The following FGF18 variants were observed in gnomAD, a reference collection of about 807,000 sequenced individuals.
FGF18 encodes fibroblast growth factor 18.
FGF18 carries 5 observed loss-of-function variants against 23.0 expected under a neutral mutation model. That is an observed-to-expected ratio of 0.22 (90% CI 0.11 to 0.46). The LOEUF (loss-of-function observed/expected upper bound fraction) is 0.46. Ranked by LOEUF, FGF18 falls within the 20% of genes least tolerant of loss-of-function variation. The probability of loss-of-function intolerance (pLI) is 0.99; values close to 1 mark genes in which losing one functional copy is unlikely to be tolerated. For missense variants in FGF18, 180 were observed against 291.6 expected (o/e 0.62, Z 2.79); for synonymous variants, 117 against 118.9 (o/e 0.98, Z 0.10).
rs6878744 is a variant in FGF18 at position 171,431,772 on chromosome 5, C to A, written c.70-4321C>A. 2.4e-3 allele frequency among the ~76,000 whole-genome samples: 358 copies of A among 152,254 alleles called. 4 individuals carry two copies. Among genetic ancestry groups the A allele is most frequent in the African/African-American group, 8.0e-3 (334 of 41,540 alleles). On this transcript the variant is annotated intron_variant, in intron 2 of 4. Transcript: ENST00000274625. ...AACCCTTCTCTCCTTTCGAGAGTTGCAGCAGACTGGGCGCGGTGGCTCACA... is the reference window on the plus strand; with the variant it reads ...AACCCTTCTCTCCTTTCGAGAGTTGAAGCAGACTGGGCGCGGTGGCTCACA...
chr5:171,429,675 ACCCT>A (rs923072201), intron 2 of FGF18, among the ~76,000 whole-genome samples: 67 of 152,166 alleles, frequency 4.4e-4, no homozygotes, highest in Non-Finnish European at 1.9e-4. Flanking sequence ...GACCAGGGAG[ACCCT>A]CCCTTTCTGG....
At chr5:171,428,696 G>A (rs535832117) in intron 2 of FGF18, among the ~76,000 whole-genome samples, 1 of 152,188 alleles carries the variant, frequency 6.6e-6, no homozygotes, top group Admixed American at 6.5e-5. Context: ...ACCGTGGTGG[G>A]CTTTGAATGC....
chr5:171,427,915 TCA>T (rs903431781), intron 2 of FGF18, among the ~76,000 whole-genome samples: 1 of 152,086 alleles, frequency 6.6e-6, no homozygotes, highest in Admixed American at 6.5e-5. Context: ...CCAGCACGCT[TCA>T]GTTGGCCGTG....
chr5:171,431,957 G>C lies in FGF18; in HGVS notation c.70-4136G>C, dbSNP rs149623497. On this transcript the variant is annotated intron_variant, in intron 2 of 4. Coordinates refer to ENST00000274625, the MANE Select transcript of FGF18 (RefSeq NM_003862.3). ...CAGCTACTCGGGGAGGCTGAGGCAC[G>C]AGAATCACTTGAACCGGGGAGGCGG... Among the ~76,000 whole-genome samples the C allele has an allele frequency of 3.8e-3, 572 of 152,264 alleles. 1 individual carries two copies. The highest frequency in any genetic ancestry group is 0.013 in the African/African-American group (545 of 41,540).
At chr5:171,430,794 C>CAAAAAAAA (rs566577499) in intron 2 of FGF18, among the ~76,000 whole-genome samples, 59 of 53,588 alleles carry the variant, frequency 1.1e-3, no homozygotes, top group Non-Finnish European at 1.6e-3. Context: ...GACTCCGTCT[C>CAAAAAAAA]AAAAAAAAAA....
At position 171,420,176 on chromosome 5, in the gene FGF18, C is replaced by T; in HGVS notation, c.-24C>T. The stretch of plus-strand genomic sequence containing the variant: ...GGACATGTGCAGGCTGGGCTAGGAG[C>T]CGCCGCCTCCCTCCCGCCCAGCGAT... On this transcript the variant is annotated 5_prime_UTR_variant, in exon 1 of 5. Coordinates refer to ENST00000274625, the MANE Select transcript of FGF18 (RefSeq NM_003862.3). The T allele has an allele frequency of 6.5e-7, 1 of 1,536,284 alleles. No homozygotes were observed. The highest frequency in any genetic ancestry group is 8.7e-7 in the Non-Finnish European group (1 of 1,146,194).
chr5:171,452,766 C>T (rs1362008527), intron 4 of FGF18, among the ~76,000 whole-genome samples: 1 of 152,182 alleles, frequency 6.6e-6, no homozygotes, highest in African/African-American at 2.4e-5. Flanking sequence ...GGGGAGTGCT[C>T]TGCCCACCAG....
intron 2 of FGF18, among the ~76,000 whole-genome samples, chr5:171,433,701 C>T (rs1480650768): frequency 6.6e-6 from 1 of 152,202 alleles, no homozygotes; most frequent in Non-Finnish European, 1.5e-5. Context: ...CCTCACTGGG[C>T]TGTGTGGTTT....
chr5:171,428,061 T>C (rs1772123535), intron 2 of FGF18, among the ~76,000 whole-genome samples: 1 of 152,132 alleles, frequency 6.6e-6, no homozygotes, highest in African/African-American at 2.4e-5. Context: ...GCCTGGCTCA[T>C]GATAAGTGTT....
At chr5:171,421,485 G>A (rs1001067594) in intron 2 of FGF18, among the ~76,000 whole-genome samples, 1 of 152,212 alleles carries the variant, frequency 6.6e-6, no homozygotes, top group Admixed American at 6.5e-5. Context: ...GTGGCTTTCC[G>A]GGATTAGAGA....
intron 4 of FGF18, among the ~76,000 whole-genome samples, chr5:171,452,658 C>T (rs150188658): frequency 2.0e-3 from 297 of 152,196 alleles, no homozygotes; most frequent in African/African-American, 7.0e-3. Context: ...TCTCTGGAGA[C>T]GCAACCCAGA....
chr5:171,426,487 T>G (rs540457431), intron 2 of FGF18, among the ~76,000 whole-genome samples: 1 of 152,198 alleles, frequency 6.6e-6, no homozygotes, highest in Non-Finnish European at 1.5e-5. Flanking sequence ...GGCCTGAGCA[T>G]GGGGATTTAT....
rs1771988152 is a variant in FGF18, at chr5:171,420,519, CCCCCTCCCTGTGCCCCA to C, written c.69+84_69+100del. On this transcript the variant is annotated intron_variant, in intron 2 of 4. Transcript: ENST00000274625. ...CGCCGACCCCCCTTCCCCGGCCGCG[CCCCCTCCCTGTGCCCCA>C]CCCCTCCTGGGCGCTGAGCCCAGTG... 6.4e-6 allele frequency: 9 copies of C among 1,415,650 alleles called. 1 individual carries two copies. The African/African-American group carries it at 1.1e-4, about 18-fold the overall frequency. 87.7% of individuals were successfully genotyped at this position (1,415,650 alleles called of 1,614,324 possible).
chr5:171,436,158 C>T lies in FGF18; in HGVS notation c.135C>T (p.Asp45=), dbSNP rs367730602. Residue 45 remains aspartate, a synonymous_variant, in exon 3 of 5, where the codon GAC becomes GAT. Coordinates refer to ENST00000274625, the MANE Select transcript of FGF18 (RefSeq NM_003862.3). The surrounding 1 kb of genome is among the most constrained non-coding windows in gnomAD (Gnocchi z 4.4). ...TGGAGAACCAGACGCGGGCTCGGGACGATGTGAGCCGTAAGCAGCTGCGGC... is the reference window on the plus strand; with the variant it reads ...TGGAGAACCAGACGCGGGCTCGGGATGATGTGAGCCGTAAGCAGCTGCGGC... ...IHVENQTRAR[D]DVSRKQLRLY... is the part of the protein sequence containing the mutation. 14 of 1,602,968 alleles carry T rather than the reference C, an allele frequency of 8.7e-6. No individual in the cohort carries two copies. Among genetic ancestry groups the T allele is most frequent in the Non-Finnish European group, 1.2e-5 (14 of 1,173,580 alleles).
chr5:171,423,516 G>C (rs1033173301), intron 2 of FGF18, among the ~76,000 whole-genome samples: 2 of 152,152 alleles, frequency 1.3e-5, no homozygotes, highest in African/African-American at 4.8e-5. Context: ...GCGGGGTGGG[G>C]GGGCATCCCC....
chr5:171,438,534 A>G (rs1424416386), intron 3 of FGF18, among the ~76,000 whole-genome samples: 2 of 152,094 alleles, frequency 1.3e-5, no homozygotes, highest in African/African-American at 4.8e-5. Flanking sequence ...GCCAGTGGGC[A>G]GCACTTCCAG....
intron 3 of FGF18, among the ~76,000 whole-genome samples, chr5:171,441,444 C>T (rs1245853185): frequency 6.6e-6 from 1 of 152,198 alleles, no homozygotes; most frequent in Non-Finnish European, 1.5e-5. Flanking sequence ...TCCGGGCATC[C>T]CGTGAACACC....
chr5:171,454,927 C>T (rs571849625), intron 4 of FGF18, among the ~76,000 whole-genome samples: 1 of 152,248 alleles, frequency 6.6e-6, no homozygotes, highest in Non-Finnish European at 1.5e-5. Flanking sequence ...CTCACCACCC[C>T]CTGTCCAGAT....
At chr5:171,428,502 C>T (rs1222417037) in intron 2 of FGF18, among the ~76,000 whole-genome samples, 2 of 152,154 alleles carry the variant, frequency 1.3e-5, no homozygotes, top group Non-Finnish European at 2.9e-5. Flanking sequence ...AAGAGCAAAC[C>T]GGGTGAAGAG....
Sources: gnomAD v4.1 joint callset for allele counts (sites outside exome capture counted in the v4.1 genomes callset) on GRCh38, gnomAD v4.1.1 for gene constraint, Gnocchi (gnomAD v3.1) non-coding constraint, MANE v1.5 for transcripts, NCBI Gene and HGNC (gene_info 2026-07-23, HGNC 2026-07-21) for gene names.